Variants in UVRAG observed in about 807,000 individuals in gnomAD.
UVRAG encodes the protein UV radiation resistance-associated gene protein.
A neutral mutation model predicts 78.0 loss-of-function variants in UVRAG; 19 were observed. That is an observed-to-expected ratio of 0.24 (90% confidence interval 0.17 to 0.36). The LOEUF (loss-of-function observed/expected upper bound fraction) is 0.36. Ranked by LOEUF, UVRAG falls within the 10% of genes least tolerant of loss-of-function variation. UVRAG has a pLI of 1.00. For synonymous variants in UVRAG, 323 were observed against 324.6 expected (o/e 1.00, Z 0.05); for missense variants, 740 against 853.8 (o/e 0.87, Z 1.66).
intron 12 of UVRAG, among the ~76,000 whole-genome samples, chr11:76,054,406 G>T (rs1351788014): frequency 6.6e-6 from 1 of 152,066 alleles, no homozygotes; most frequent in Non-Finnish European, 1.5e-5. Flanking sequence ...TTGCTCCCCT[G>T]CAGTTTATCC....
At chr11:76,138,262 G>C (rs1448037242) in intron 14 of UVRAG, among the ~76,000 whole-genome samples, 1 of 152,224 alleles carries the variant, frequency 6.6e-6, no homozygotes, top group African/African-American at 2.4e-5. Flanking sequence ...TCTGGAGTCA[G>C]ACAGAATCTA....
intron 7 of UVRAG, among the ~76,000 whole-genome samples, chr11:75,980,317 G>C (rs774446056): frequency 2.6e-5 from 4 of 151,980 alleles, no homozygotes; most frequent in Non-Finnish European, 5.9e-5. Context: ...GCATGCCACC[G>C]CATCCAGCCA....
intron 13 of UVRAG, 47 bp from the exon 14 acceptor site, chr11:76,115,877 T>G (rs369242762): frequency 4.0e-5 from 63 of 1,581,550 alleles, no homozygotes; most frequent in Non-Finnish European, 5.2e-5. Context: ...TTTCCGAAGC[T>G]TATAATCTGC....
Position 75,924,552 on chromosome 11 carries a change from A to AT in UVRAG, c.593+12522dup, listed in dbSNP as rs199575487. On this transcript the variant is annotated intron_variant, in intron 6 of 14. Transcript: ENST00000356136. ...CAGGCGCCCACCACCATGCCCAGCT[A>AT]TTTTTTTTTGTATTTTTAGTAGAGA... Among the ~76,000 whole-genome samples the AT allele has an allele frequency of 5.5e-4, 83 of 150,218 alleles. 1 individual carries two copies. The highest frequency in any genetic ancestry group is 1.7e-3 in the African/African-American group (71 of 40,940).
chr11:75,884,501 T>G (rs1331646418), intron 4 of UVRAG, among the ~76,000 whole-genome samples: 1 of 152,082 alleles, frequency 6.6e-6, no homozygotes, highest in Non-Finnish European at 1.5e-5. Context: ...TCACAAAGAC[T>G]TTTTCCTTTG....
At chr11:75,826,601 A>G (rs548590049) in intron 1 of UVRAG, among the ~76,000 whole-genome samples, 2 of 151,560 alleles carry the variant, frequency 1.3e-5, no homozygotes, top group South Asian at 4.2e-4. Flanking sequence ...CGTCCCTTTT[A>G]TGGTGTGAAT....
At chr11:75,996,184 A>G (rs1056149823) in intron 8 of UVRAG, among the ~76,000 whole-genome samples, 1 of 151,876 alleles carries the variant, frequency 6.6e-6, no homozygotes, top group Admixed American at 6.6e-5. Context: ...ACACAATTGT[A>G]TATTGGTTTG....
intron 11 of UVRAG, among the ~76,000 whole-genome samples, chr11:76,009,512 C>A (rs1348901227): frequency 6.6e-6 from 1 of 151,828 alleles, no homozygotes; most frequent in Non-Finnish European, 1.5e-5. Flanking sequence ...GGTTCTTTTC[C>A]CTTAGCCTAA....
intron 1 of UVRAG, among the ~76,000 whole-genome samples, chr11:75,830,562 C>T (rs552485696): frequency 6.6e-5 from 10 of 152,074 alleles, no homozygotes; most frequent in African/African-American, 1.2e-4. Flanking sequence ...TGAGCCACTG[C>T]GCCCGGCCGT....
intron 5 of UVRAG, 23 bp downstream of exon 5, chr11:75,888,926 A>G (rs1205405692): frequency 1.2e-6 from 2 of 1,605,796 alleles, no homozygotes. Context: ...TTCTAATGTT[A>G]TGAATTTTGT....
Position 76,143,280 on chromosome 11 carries a change from A to G in UVRAG, c.*1867A>G, listed in dbSNP as rs935613767. On this transcript the variant is annotated 3_prime_UTR_variant, in exon 15 of 15. Coordinates refer to ENST00000356136, the MANE Select transcript of UVRAG (RefSeq NM_003369.4). ...TGCCCCAGGTGCGGGATGGACTTAA[A>G]TGTCACACCAAACTCAAAGTAGGTA... 1.3e-5 allele frequency: 2 copies of G among 152,216 alleles called. No homozygotes were observed. The highest frequency in any genetic ancestry group is 2.4e-5 in the African/African-American group (1 of 41,432). 9.4% of individuals were successfully genotyped at this position (152,216 alleles called of 1,614,324 possible).
At chr11:76,119,103 T>TTATC (rs1952232974) in intron 14 of UVRAG, among the ~76,000 whole-genome samples, 2 of 152,304 alleles carry the variant, frequency 1.3e-5, no homozygotes, top group South Asian at 4.2e-4. Context: ...GAAATTCCTT[T>TTATC]TATCTAGCTT....
chr11:75,850,077 AAAGCAG>A (rs1427127654), intron 1 of UVRAG, among the ~76,000 whole-genome samples: 2 of 132,122 alleles, frequency 1.5e-5, no homozygotes, highest in African/African-American at 8.7e-5. Flanking sequence ...TTGGTTGCAG[AAAGCAG>A]CCAATCAGAG....
At chr11:75,977,575 T>C (rs1454268324) in intron 7 of UVRAG, among the ~76,000 whole-genome samples, 1 of 152,220 alleles carries the variant, frequency 6.6e-6, no homozygotes. Flanking sequence ...TGCATATATA[T>C]TTAGGATAGT....
At chr11:76,023,024 TA>T (rs1950272940) in intron 12 of UVRAG, among the ~76,000 whole-genome samples, 4 of 152,178 alleles carry the variant, frequency 2.6e-5, no homozygotes, top group Admixed American at 2.6e-4. Context: ...CAGTAGCATA[TA>T]AAAACTCTGT....
At chr11:75,910,539 CTTTT>C (rs935961405) in intron 5 of UVRAG, among the ~76,000 whole-genome samples, 1 of 124,058 alleles carries the variant, frequency 8.1e-6, no homozygotes. Flanking sequence ...TCCTTTTTAT[CTTTT>C]TTTTTTTTTT....
At chr11:75,999,243 A>AG (rs1949763981) in intron 8 of UVRAG, among the ~76,000 whole-genome samples, 1 of 13,172 alleles carries the variant, frequency 7.6e-5, no homozygotes, top group East Asian at 6.9e-4. Flanking sequence ...AGAGAAAAAA[A>AG]AAAAAAAAGT....
intron 13 of UVRAG, among the ~76,000 whole-genome samples, chr11:76,090,126 A>T (rs903772678): frequency 1.3e-5 from 2 of 152,150 alleles, no homozygotes; most frequent in Non-Finnish European, 1.5e-5. Flanking sequence ...TTATGTTTCA[A>T]ATGCAGCAAC....
intron 8 of UVRAG, among the ~76,000 whole-genome samples, chr11:75,986,537 C>G (rs1041803866): frequency 1.3e-5 from 2 of 152,002 alleles, no homozygotes; most frequent in African/African-American, 4.8e-5. Flanking sequence ...AATTAAATTT[C>G]ATTACACTAA....
Sources: gnomAD v4.1 joint callset for allele counts (sites outside exome capture counted in the v4.1 genomes callset) on GRCh38, gnomAD v4.1.1 for gene constraint, MANE v1.5 for transcripts, NCBI Gene and HGNC (gene_info 2026-07-23, HGNC 2026-07-21) for gene names.